ERI3: variants seen among roughly 807,000 people sequenced by gnomAD.
The protein encoded by ERI3 is ERI1 exoribonuclease 3.
A neutral mutation model predicts 44.4 loss-of-function variants in ERI3; 18 were observed. The ratio of observed to expected loss-of-function variants is 0.41; its 90% CI spans 0.28 to 0.60. The LOEUF (loss-of-function observed/expected upper bound fraction) is 0.60, where lower values mean the gene tolerates loss of function less well. ERI3 is among the 20% of genes least tolerant of loss of function. ERI3 has a pLI of 0.36. For synonymous variants in ERI3, 183 were observed against 164.8 expected (o/e 1.11, Z -0.84); for missense variants, 294 against 435.5 (o/e 0.68, Z 2.89).
intron 4 of ERI3, among the ~76,000 whole-genome samples, chr1:44,319,166 T>G (rs1402882387): frequency 6.6e-6 from 1 of 152,184 alleles, no homozygotes; most frequent in Admixed American, 6.5e-5. Flanking sequence ...CTTCCCTCGG[T>G]GACAGAATGT....
chr1:44,350,988 TATC>T (rs1646878654), intron 2 of ERI3, among the ~76,000 whole-genome samples: 2 of 152,096 alleles, frequency 1.3e-5, no homozygotes, highest in African/African-American at 4.8e-5. Context: ...CTGCTTCCAG[TATC>T]ATCTGTCCCC....
intron 6 of ERI3, among the ~76,000 whole-genome samples, chr1:44,285,786 A>G (rs1308034848): frequency 6.6e-6 from 1 of 152,212 alleles, no homozygotes; most frequent in Non-Finnish European, 1.5e-5. Context: ...AAGTTGGAGT[A>G]TGGGGGCATA....
intron 6 of ERI3, among the ~76,000 whole-genome samples, chr1:44,296,879 G>A (rs957640405): frequency 6.6e-6 from 1 of 152,178 alleles, no homozygotes; most frequent in Non-Finnish European, 1.5e-5. Context: ...TCAGGGTGGT[G>A]GAAGAAGAGA....
chr1:44,230,752 T>G (rs1298271371), intron 8 of ERI3, among the ~76,000 whole-genome samples: 1 of 152,238 alleles, frequency 6.6e-6, no homozygotes, highest in African/African-American at 2.4e-5. Context: ...CTCTATATCC[T>G]GACCTTTTGA....
intron 8 of ERI3, among the ~76,000 whole-genome samples, chr1:44,245,162 G>A (rs1644529045): frequency 6.6e-6 from 1 of 152,128 alleles, no homozygotes; most frequent in Non-Finnish European, 1.5e-5. Flanking sequence ...AGTAACTCGG[G>A]GCATCGCCAG....
At chr1:44,265,758 C>T (rs1380904284) in intron 7 of ERI3, among the ~76,000 whole-genome samples, 1 of 151,776 alleles carries the variant, frequency 6.6e-6, no homozygotes, top group African/African-American at 2.4e-5. Context: ...TGAAAATATA[C>T]TAAGTGAAAG....
At chr1:44,353,315 A>T in intron 1 of ERI3, 1 of 985,426 alleles carries the variant, frequency 1.0e-6, no homozygotes, top group Non-Finnish European at 1.2e-6. Flanking sequence ...GGTTGCCACA[A>T]ATCCACAAGC....
At chr1:44,232,967 T>C (rs1323089229) in intron 8 of ERI3, among the ~76,000 whole-genome samples, 2 of 152,178 alleles carry the variant, frequency 1.3e-5, no homozygotes, top group Non-Finnish European at 2.9e-5. Context: ...GCATGGTCCA[T>C]CATTTCAGTC....
chr1:44,320,845 C>T (rs1646186729), intron 3 of ERI3, among the ~76,000 whole-genome samples: 1 of 152,064 alleles, frequency 6.6e-6, no homozygotes, highest in Non-Finnish European at 1.5e-5. Context: ...GCAAAATTCT[C>T]TGAGTAAAAT....
chr1:44,221,953 T>C lies in ERI3; in HGVS notation c.932-313A>G, dbSNP rs1037119916. Among the ~76,000 whole-genome samples, 1 of 152,248 alleles carries C rather than the reference T, an allele frequency of 6.6e-6. No individual in the cohort carries two copies. Among genetic ancestry groups the C allele is most frequent in the Non-Finnish European group, 1.5e-5 (1 of 68,050 alleles). The stretch of plus-strand genomic sequence containing the variant: ...GTAAGAAAAAGGCAGAGTAAATGTG[T>C]AATTTCTCCCTTGACGGCCCCCGGC... On this transcript the variant is annotated intron_variant, in intron 8 of 8. Transcript: ENST00000372257. This position sits in a 1 kb window ranked among gnomAD's most constrained non-coding sequence, Gnocchi z 5.9.
intron 4 of ERI3, among the ~76,000 whole-genome samples, chr1:44,313,522 G>A (rs192227674): frequency 6.6e-6 from 1 of 152,312 alleles, no homozygotes; most frequent in East Asian, 1.9e-4. Context: ...ACCTGTTTCA[G>A]CTTTCAGTTT....
intron 3 of ERI3, among the ~76,000 whole-genome samples, chr1:44,331,621 A>G (rs1278387904): frequency 6.6e-6 from 1 of 152,238 alleles, no homozygotes; most frequent in Non-Finnish European, 1.5e-5. Context: ...TAAAACTGAT[A>G]TAGATAATCC....
At chr1:44,334,648 A>G (rs1327692720) in intron 3 of ERI3, among the ~76,000 whole-genome samples, 1 of 152,260 alleles carries the variant, frequency 6.6e-6, no homozygotes, top group Non-Finnish European at 1.5e-5. Context: ...AAAACATGTA[A>G]CACAAATAAA....
At chr1:44,352,498 A>G (rs951905557) in intron 2 of ERI3, among the ~76,000 whole-genome samples, 1 of 152,128 alleles carries the variant, frequency 6.6e-6, no homozygotes, top group African/African-American at 2.4e-5. Flanking sequence ...GTTTCTTCCT[A>G]TTTTCTTAAG....
At chr1:44,270,806 T>C (rs1384659139) in intron 7 of ERI3, among the ~76,000 whole-genome samples, 1 of 152,212 alleles carries the variant, frequency 6.6e-6, no homozygotes, top group Admixed American at 6.5e-5. Flanking sequence ...TGCCTTGAGC[T>C]GATTCCCTCA....
At position 44,310,960 on chromosome 1, in the gene ERI3, C is replaced by CGT. The variant is rs1460517601; in HGVS notation, c.666+2208_666+2209insAC. Among the ~76,000 whole-genome samples the CGT allele has an allele frequency of 2.4e-3, 193 of 81,790 alleles. 5 individuals are homozygous for CGT. Among genetic ancestry groups the CGT allele is most frequent in the Admixed American group, 8.1e-3 (53 of 6,582 alleles). 53.7% of individuals were successfully genotyped at this position (81,790 alleles called of 152,430 possible). On this transcript the variant is annotated intron_variant, in intron 5 of 8. Transcript: ENST00000372257. ...TGCATGTATGTGCACATCGCGCGCG[C>CGT]GCGCACACACACACACACACACACA...
At chr1:44,330,756 G>A (rs1483767130) in intron 3 of ERI3, among the ~76,000 whole-genome samples, 1 of 152,108 alleles carries the variant, frequency 6.6e-6, no homozygotes, top group Non-Finnish European at 1.5e-5. Flanking sequence ...GTAAGAATGT[G>A]GGGGTTTTTT....
intron 8 of ERI3, among the ~76,000 whole-genome samples, chr1:44,223,067 G>T (rs577689750): frequency 6.6e-6 from 1 of 152,194 alleles, no homozygotes; most frequent in Non-Finnish European, 1.5e-5. Context: ...GTCCTGTGTC[G>T]CAGAGATCAG....
intron 2 of ERI3, among the ~76,000 whole-genome samples, chr1:44,342,812 AATATATATAT>A (rs59012227): frequency 0.015 from 452 of 30,876 alleles, 22 homozygotes; most frequent in South Asian, 0.035. Flanking sequence ...ACATCCAGCT[AATATATATAT>A]ATATATATAT....
Sources: allele counts gnomAD v4.1 joint callset (sites outside exome capture counted in the v4.1 genomes callset), GRCh38; gene constraint gnomAD v4.1.1; non-coding constraint Gnocchi (gnomAD v3.1); transcripts MANE v1.5; gene names NCBI Gene and HGNC (gene_info 2026-07-23, HGNC 2026-07-21).